Variants in ELP3 observed in about 807,000 individuals in gnomAD.
ELP3 encodes the protein elongator acetyltransferase complex subunit 3.
A neutral mutation model predicts 74.9 loss-of-function variants in ELP3; 56 were observed. The observed-to-expected ratio is 0.75, with a 90% CI of 0.60 to 0.93. The LOEUF (loss-of-function observed/expected upper bound fraction) is 0.93, where lower values mean the gene tolerates loss of function less well. Ranked by LOEUF, ELP3 falls within the 40% of genes least tolerant of loss-of-function variation. The pLI, the probability that ELP3 is intolerant of heterozygous loss-of-function variation, is 0.00. For missense variants in ELP3, 573 were observed against 686.5 expected, an observed-to-expected ratio of 0.83 and a Z score of 1.85; for synonymous variants, 222 against 239.8, an observed-to-expected ratio of 0.93 and a Z score of 0.68.
At position 28,120,112 on chromosome 8, in the gene ELP3, A is replaced by C. The variant is rs74591885; in HGVS notation, c.617+6939A>C. Among the ~76,000 whole-genome samples the C allele has an allele frequency of 1.2e-3, 187 of 152,322 alleles. 3 individuals carry two copies. The East Asian group carries it at 0.029, about 23-fold the overall frequency. ...TGTATTTATTTCTCTTGGGGGAATA[A>C]ATAGACATAGAATTGCTATGTAAGT... On this transcript the variant is annotated intron_variant, in intron 7 of 14. Coordinates refer to ENST00000256398, the MANE Select transcript of ELP3 (RefSeq NM_018091.6).
At chr8:28,178,305 A>T (rs1415441571) in intron 14 of ELP3, among the ~76,000 whole-genome samples, 1 of 152,184 alleles carries the variant, frequency 6.6e-6, no homozygotes, top group Non-Finnish European at 1.5e-5. Flanking sequence ...CGCACTCTCT[A>T]ACCCCCACTT....
In ELP3 at chr8:28,162,096, A is replaced by G. The variant is rs1563281612; in HGVS notation, c.1567+18A>G. 1 of 1,613,198 alleles carries G rather than the reference A, an allele frequency of 6.2e-7. No individual in the cohort carries two copies. Among genetic ancestry groups the G allele is most frequent in the Non-Finnish European group, 8.5e-7 (1 of 1,179,186 alleles). On this transcript the variant is annotated intron_variant, in intron 14 of 14. Transcript: ENST00000256398. ...GATATCAGGTAACTGGGGGAGGGCG[A>G]AGTTCATGATTCCTTCCCATTTTGA...
intron 14 of ELP3, among the ~76,000 whole-genome samples, chr8:28,189,382 G>T (rs1815368043): frequency 1.3e-5 from 2 of 152,234 alleles, no homozygotes; most frequent in Non-Finnish European, 2.9e-5. Flanking sequence ...GCACACGTTT[G>T]CTGTTGCCTG....
chr8:28,174,430 G>A (rs994346597), intron 14 of ELP3, among the ~76,000 whole-genome samples: 2 of 151,950 alleles, frequency 1.3e-5, no homozygotes, highest in African/African-American at 4.8e-5. Flanking sequence ...TTGGTTATTA[G>A]TTGTTTTCTT....
chr8:28,146,901 T>C (rs996304618), intron 10 of ELP3, among the ~76,000 whole-genome samples: 2 of 152,210 alleles, frequency 1.3e-5, no homozygotes, highest in African/African-American at 4.8e-5. Context: ...CATTTGTGAA[T>C]TGTCAGCATC....
At chr8:28,134,342 A>G (rs1413133108) in intron 9 of ELP3, among the ~76,000 whole-genome samples, 1 of 152,196 alleles carries the variant, frequency 6.6e-6, no homozygotes, top group East Asian at 1.9e-4. Context: ...TTCAGTAATA[A>G]CATTGCAAGG....
intron 7 of ELP3, among the ~76,000 whole-genome samples, chr8:28,128,700 A>G (rs1812678916): frequency 6.6e-6 from 1 of 152,200 alleles, no homozygotes. Flanking sequence ...AATAGGACAC[A>G]CTTCATAGAG....
At chr8:28,163,118 A>G (rs970466873) in intron 14 of ELP3, among the ~76,000 whole-genome samples, 2 of 152,176 alleles carry the variant, frequency 1.3e-5, no homozygotes, top group Non-Finnish European at 2.9e-5. Flanking sequence ...TGGGCATGAA[A>G]AGGAAAATTC....
At chr8:28,170,361 G>C (rs1313096342) in intron 14 of ELP3, among the ~76,000 whole-genome samples, 5 of 152,100 alleles carry the variant, frequency 3.3e-5, no homozygotes, top group Non-Finnish European at 7.4e-5. Context: ...AAGAATTCTT[G>C]TCCCAACCAG....
chr8:28,170,448 C>A (rs1266032996), intron 14 of ELP3, among the ~76,000 whole-genome samples: 1 of 152,196 alleles, frequency 6.6e-6, no homozygotes, highest in Non-Finnish European at 1.5e-5. Flanking sequence ...TCCAACAATA[C>A]TCAGCCTGCA....
intron 7 of ELP3, among the ~76,000 whole-genome samples, chr8:28,127,996 C>T (rs767248591): frequency 6.6e-6 from 1 of 152,056 alleles, no homozygotes; most frequent in Non-Finnish European, 1.5e-5. Context: ...GAGTGAACCT[C>T]ATGGAATTAG....
In ELP3 at chr8:28,161,545, G is replaced by A. The variant is rs556514633; in HGVS notation, c.1486-452G>A. Among the ~76,000 whole-genome samples, 389 of 149,906 alleles carry A rather than the reference G, an allele frequency of 2.6e-3. 2 individuals are homozygous for A. Among genetic ancestry groups the A allele is most frequent in the Non-Finnish European group, 4.6e-3 (315 of 67,766 alleles). ...GCCGAGATTGAGCCAGAGTGATCTC[G>A]CCCAATGCAGTGAGCCACTGCACTC... On this transcript the variant is annotated intron_variant, in intron 13 of 14. Transcript: ENST00000256398.
chr8:28,135,941 A>T (rs968126323), intron 9 of ELP3, among the ~76,000 whole-genome samples: 1 of 150,684 alleles, frequency 6.6e-6, no homozygotes, highest in Admixed American at 6.6e-5. Context: ...TATACTTTTT[A>T]AAAAATTCTT....
chr8:28,113,280 C>T, intron 7 of ELP3, 107 bp downstream of exon 7: 1 of 746,832 alleles, frequency 1.3e-6, no homozygotes. Flanking sequence ...TCTTACTTCT[C>T]ATAATCTTTC....
chr8:28,131,438 T>TGA (rs1480703490), intron 8 of ELP3, among the ~76,000 whole-genome samples: 5 of 152,212 alleles, frequency 3.3e-5, no homozygotes, highest in Admixed American at 3.3e-4. Context: ...TTGGAATTCA[T>TGA]GAGAGAGGCC....
intron 3 of ELP3, among the ~76,000 whole-genome samples, chr8:28,101,590 C>CT (rs11406521): frequency 0.53 from 75,688 of 143,032 alleles, 20,454 homozygotes; most frequent in East Asian, 0.88. Context: ...TCTTGACTTT[C>CT]TTTTTTTTTT....
chr8:28,145,744 C>T, intron 10 of ELP3, among the ~76,000 whole-genome samples: 1 of 152,196 alleles, frequency 6.6e-6, no homozygotes, highest in Admixed American at 6.5e-5. Flanking sequence ...CTGCCTCATC[C>T]TCCTGAGTAG....
intron 10 of ELP3, among the ~76,000 whole-genome samples, chr8:28,143,213 T>C (rs1813311990): frequency 6.6e-6 from 1 of 152,132 alleles, no homozygotes; most frequent in South Asian, 2.1e-4. Context: ...GTCAATGTAT[T>C]ACATCTTGTG....
chr8:28,147,276 C>G lies in ELP3; in HGVS notation c.1101-8666C>G, dbSNP rs1236046925. On this transcript the variant is annotated intron_variant, in intron 10 of 14. Coordinates refer to ENST00000256398, the MANE Select transcript of ELP3 (RefSeq NM_018091.6). The surrounding 1 kb of genome is among the most constrained non-coding windows in gnomAD (Gnocchi z 4.5). ...TCATCTCCCCTTACCTTCCCATCCC[C>G]TCTTCCCACTGCCTGTGGAGACAGT... Among the ~76,000 whole-genome samples, 1 of 152,232 alleles carries G rather than the reference C, an allele frequency of 6.6e-6. No individual in the cohort carries two copies. Among genetic ancestry groups the G allele is most frequent in the African/African-American group, 2.4e-5 (1 of 41,460 alleles).
Sources: gnomAD v4.1 joint callset for allele counts (sites outside exome capture counted in the v4.1 genomes callset) on GRCh38, gnomAD v4.1.1 for gene constraint, Gnocchi (gnomAD v3.1) non-coding constraint, MANE v1.5 for transcripts, NCBI Gene and HGNC (gene_info 2026-07-23, HGNC 2026-07-21) for gene names.